PACRG: variants seen among roughly 807,000 people sequenced by gnomAD.
PACRG encodes the protein parkin coregulated gene protein.
In PACRG, 29 loss-of-function variants were observed where a neutral mutation model predicts 29.7. The observed-to-expected ratio is 0.98, with a 90% CI of 0.73 to 1.33. PACRG has a LOEUF of 1.33. PACRG is among the 40% of genes most tolerant of loss of function. The probability of loss-of-function intolerance (pLI) is 0.00; values close to 1 mark genes in which losing one functional copy is unlikely to be tolerated. For missense variants in PACRG, 279 were observed against 316.2 expected (o/e 0.88, Z 0.89); for synonymous variants, 116 against 118.7 (o/e 0.98, Z 0.15).
At chr6:163,175,552 CG>C (rs761083848) in intron 4 of PACRG, among the ~76,000 whole-genome samples, 1 of 151,820 alleles carries the variant, frequency 6.6e-6, no homozygotes, top group East Asian at 1.9e-4. Flanking sequence ...CTGGTATCCC[CG>C]GGGTTGTGTA....
intron 2 of PACRG, among the ~76,000 whole-genome samples, chr6:163,017,715 T>C (rs142579701): frequency 0.012 from 1,890 of 152,204 alleles, 48 homozygotes; most frequent in African/African-American, 0.043. Context: ...TGGACATAAA[T>C]GCAGAGATAT....
intron 2 of PACRG, among the ~76,000 whole-genome samples, chr6:162,998,593 G>T (rs1052478922): frequency 2.0e-5 from 3 of 152,056 alleles, no homozygotes; most frequent in African/African-American, 7.2e-5. Context: ...TTCTTTATGA[G>T]AATTCATTCT....
intron 4 of PACRG, among the ~76,000 whole-genome samples, chr6:163,100,172 T>C (rs1279281145): frequency 6.6e-6 from 1 of 151,856 alleles, no homozygotes; most frequent in African/African-American, 2.4e-5. Flanking sequence ...CGGCCTCCCC[T>C]GCAGGGACCT....
At chr6:163,262,484 T>G (rs144264544) in intron 4 of PACRG, among the ~76,000 whole-genome samples, 1 of 152,126 alleles carries the variant, frequency 6.6e-6, no homozygotes, top group African/African-American at 2.4e-5. Context: ...GAATATCTGA[T>G]CAAAGCGAAT....
At chr6:163,113,631 T>G (rs1406247626) in intron 4 of PACRG, among the ~76,000 whole-genome samples, 1 of 152,034 alleles carries the variant, frequency 6.6e-6, no homozygotes, top group Non-Finnish European at 1.5e-5. Context: ...CAAAAAAAAT[T>G]GTCAACCAAG....
chr6:163,216,351 G>C (rs1781364089), intron 4 of PACRG, among the ~76,000 whole-genome samples: 1 of 152,134 alleles, frequency 6.6e-6, no homozygotes, highest in Admixed American at 6.5e-5. Flanking sequence ...AACCAAGGTG[G>C]AGGAACTTAG....
intron 4 of PACRG, among the ~76,000 whole-genome samples, chr6:163,197,072 T>C (rs886838469): frequency 3.9e-5 from 6 of 152,202 alleles, no homozygotes; most frequent in African/African-American, 1.4e-4. Context: ...GAAGAACTCG[T>C]GGTCATTTTA....
At chr6:162,844,246 C>G (rs184987509) in intron 2 of PACRG, among the ~76,000 whole-genome samples, 33 of 152,026 alleles carry the variant, frequency 2.2e-4, no homozygotes, top group African/African-American at 7.5e-4. Flanking sequence ...TAGCAACCAG[C>G]GAGACTCCGT....
intron 2 of PACRG, among the ~76,000 whole-genome samples, chr6:162,871,676 T>C (rs1792820889): frequency 1.3e-5 from 2 of 152,236 alleles, no homozygotes; most frequent in South Asian, 4.1e-4. Flanking sequence ...CCCAGCACTT[T>C]GGGAGGCCGA....
At chr6:163,005,764 TTA>T (rs970828434) in intron 2 of PACRG, among the ~76,000 whole-genome samples, 1 of 149,552 alleles carries the variant, frequency 6.7e-6, no homozygotes, top group African/African-American at 2.4e-5. Flanking sequence ...CTCTGAAATT[TTA>T]TATATATATA....
intron 2 of PACRG, among the ~76,000 whole-genome samples, chr6:162,946,317 T>C (rs1050801408): frequency 6.6e-6 from 1 of 151,874 alleles, no homozygotes; most frequent in African/African-American, 2.4e-5. Context: ...ACATTACAAC[T>C]GATAACCACC....
At chr6:162,736,384 T>C (rs1397279692) in intron 1 of PACRG, among the ~76,000 whole-genome samples, 2 of 152,170 alleles carry the variant, frequency 1.3e-5, no homozygotes, top group Admixed American at 1.3e-4. Context: ...CACAGAAATG[T>C]GTAGATTGTA....
intron 1 of PACRG, among the ~76,000 whole-genome samples, chr6:162,792,460 G>C (rs1489441195): frequency 6.6e-6 from 1 of 152,156 alleles, no homozygotes; most frequent in Non-Finnish European, 1.5e-5. Context: ...ATTTTGGAGT[G>C]GCTGCAATTA....
chr6:163,218,715 A>G (rs1781462605), intron 4 of PACRG, among the ~76,000 whole-genome samples: 1 of 152,162 alleles, frequency 6.6e-6, no homozygotes, highest in African/African-American at 2.4e-5. Context: ...CCCAGCTCAC[A>G]GGTCGCTCCC....
At chr6:162,884,020 C>T (rs1326608326) in intron 2 of PACRG, among the ~76,000 whole-genome samples, 1 of 152,160 alleles carries the variant, frequency 6.6e-6, no homozygotes, top group Non-Finnish European at 1.5e-5. Context: ...TTACCGAAGC[C>T]TTGACCTCCT....
intron 2 of PACRG, among the ~76,000 whole-genome samples, chr6:162,992,151 A>T (rs1174690076): frequency 7.1e-6 from 1 of 140,040 alleles, no homozygotes; most frequent in Non-Finnish European, 1.5e-5. Context: ...CCAGTATTTT[A>T]TTGAGGATTT....
In PACRG at chr6:163,219,504, C is replaced by G. The variant is rs569575758; in HGVS notation, c.614-95323C>G. On this transcript the variant is annotated intron_variant, in intron 4 of 4. Coordinates refer to ENST00000366888, the MANE Select transcript of PACRG (RefSeq NM_001080379.2). Reference sequence around the variant, plus strand: ...TCTGCTTTCTATGCAAAAGAGTTATCTTTTCAAATACATTAATCCCATCAT... The same window carrying G: ...TCTGCTTTCTATGCAAAAGAGTTATGTTTTCAAATACATTAATCCCATCAT... 3.0e-4 allele frequency among the ~76,000 whole-genome samples: 45 copies of G among 152,306 alleles called. 1 individual carries two copies. Among genetic ancestry groups the G allele is most frequent in the Admixed American group, 2.7e-3 (41 of 15,296 alleles).
intron 1 of PACRG, among the ~76,000 whole-genome samples, chr6:162,789,209 TTGAG>T (rs1784749421): frequency 6.6e-6 from 1 of 152,174 alleles, no homozygotes; most frequent in South Asian, 2.1e-4. Flanking sequence ...GTTTTGATCA[TTGAG>T]TGAGGAGGCA....
chr6:163,071,313 CATTCAAAAAA>C (rs1464889790), intron 3 of PACRG, among the ~76,000 whole-genome samples: 1 of 152,016 alleles, frequency 6.6e-6, no homozygotes, highest in Admixed American at 6.6e-5. Context: ...ACTCTTAAAA[CATTCAAAAAA>C]ATTCAAATAA....
Sources: gnomAD v4.1 joint callset for allele counts (sites outside exome capture counted in the v4.1 genomes callset) on GRCh38, gnomAD v4.1.1 for gene constraint, MANE v1.5 for transcripts, NCBI Gene and HGNC (gene_info 2026-07-23, HGNC 2026-07-21) for gene names.